TBL1XR1: variants seen among roughly 807,000 people sequenced by gnomAD.
The protein encoded by TBL1XR1 is F-box-like/WD repeat-containing protein TBL1XR1.
In TBL1XR1, 5 loss-of-function variants were observed where a neutral mutation model predicts 66.9. That is an observed-to-expected ratio of 0.07 (90% confidence interval 0.04 to 0.16). TBL1XR1 has a LOEUF of 0.16. Ranked by LOEUF, TBL1XR1 falls within the 10% of genes least tolerant of loss-of-function variation. TBL1XR1 has a pLI of 1.00. For missense variants in TBL1XR1, 238 were observed against 623.2 expected (o/e 0.38, Z 6.58); for synonymous variants, 210 against 206.0 (o/e 1.02, Z -0.17).
chr3:177,167,689 G>A (rs1302288887), intron 1 of TBL1XR1, among the ~76,000 whole-genome samples: 4 of 152,190 alleles, frequency 2.6e-5, no homozygotes, highest in African/African-American at 9.7e-5. Flanking sequence ...CCAGCACTCT[G>A]GGAGGCCAAG....
intron 2 of TBL1XR1, among the ~76,000 whole-genome samples, chr3:177,089,322 G>A (rs1321006642): frequency 6.6e-6 from 1 of 152,108 alleles, no homozygotes; most frequent in Non-Finnish European, 1.5e-5. Context: ...GCACCCTGAG[G>A]CCAAACAGCA....
At chr3:177,027,358 T>C (rs1346978757) in intron 14 of TBL1XR1, 2 of 152,218 alleles carry the variant, frequency 1.3e-5, no homozygotes, top group Non-Finnish European at 2.9e-5. Context: ...CAGGCAGGAA[T>C]ACTAATAATG....
At chr3:177,052,626 G>A (rs1717248886) in intron 4 of TBL1XR1, among the ~76,000 whole-genome samples, 1 of 152,146 alleles carries the variant, frequency 6.6e-6, no homozygotes, top group African/African-American at 2.4e-5. Context: ...TTGCGTTACT[G>A]GATGGTCACT....
intron 3 of TBL1XR1, among the ~76,000 whole-genome samples, chr3:177,056,721 C>T (rs1717843871): frequency 6.6e-6 from 1 of 151,632 alleles, no homozygotes; most frequent in African/African-American, 2.4e-5. Context: ...CATTTCACTA[C>T]ACCTGAAAGT....
At chr3:177,135,315 G>T (rs1316527350) in intron 1 of TBL1XR1, among the ~76,000 whole-genome samples, 1 of 95,746 alleles carries the variant, frequency 1.0e-5, no homozygotes, top group African/African-American at 3.9e-5. Flanking sequence ...CTCTGTGTGT[G>T]TGTGTGTGTG....
intron 1 of TBL1XR1, among the ~76,000 whole-genome samples, chr3:177,145,554 A>G (rs1234269358): frequency 1.3e-5 from 2 of 152,204 alleles, no homozygotes; most frequent in Non-Finnish European, 2.9e-5. Context: ...CATCACAAGT[A>G]CTGTGATTTC....
chr3:177,060,052 C>A (rs1331881127), intron 3 of TBL1XR1, among the ~76,000 whole-genome samples: 3 of 152,176 alleles, frequency 2.0e-5, no homozygotes, highest in Non-Finnish European at 4.4e-5. Flanking sequence ...AGATGGAAAG[C>A]TGCACTGTTG....
intron 1 of TBL1XR1, among the ~76,000 whole-genome samples, chr3:177,195,364 C>T (rs1017356957): frequency 8.0e-5 from 12 of 150,792 alleles, no homozygotes; most frequent in African/African-American, 2.2e-4. Flanking sequence ...AGCTTGCCAT[C>T]AACTCCCATG....
At chr3:177,149,418 T>C (rs1730625381) in intron 1 of TBL1XR1, among the ~76,000 whole-genome samples, 1 of 152,230 alleles carries the variant, frequency 6.6e-6, no homozygotes, top group Non-Finnish European at 1.5e-5. Flanking sequence ...GTAAGTTCTG[T>C]TGCTTATAAT....
chr3:177,081,560 G>A (rs909011542), intron 2 of TBL1XR1, among the ~76,000 whole-genome samples: 4 of 151,848 alleles, frequency 2.6e-5, no homozygotes, highest in African/African-American at 9.7e-5. Context: ...CACCAGCCTG[G>A]GCAACATAAC....
intron 1 of TBL1XR1, among the ~76,000 whole-genome samples, chr3:177,166,876 G>A (rs1352711187): frequency 6.6e-6 from 1 of 152,166 alleles, no homozygotes; most frequent in African/African-American, 2.4e-5. Flanking sequence ...TGGAGCAAGA[G>A]GACTCTCATT....
chr3:177,197,711 G>T (rs531174875), upstream of TBL1XR1, among the ~76,000 whole-genome samples: 645 of 145,222 alleles, frequency 4.4e-3, 5 homozygotes, highest in Middle Eastern at 0.018. Flanking sequence ...GCGGCGCGGC[G>T]GGGGGGCTCC....
chr3:177,154,898 A>T (rs980137854), intron 1 of TBL1XR1, among the ~76,000 whole-genome samples: 70 of 152,354 alleles, frequency 4.6e-4, no homozygotes, highest in African/African-American at 1.3e-3. Flanking sequence ...CACACAGAGA[A>T]CAAAACAGAT....
chr3:177,167,609 T>C (rs1322814808), intron 1 of TBL1XR1, among the ~76,000 whole-genome samples: 1 of 152,160 alleles, frequency 6.6e-6, no homozygotes, highest in Non-Finnish European at 1.5e-5. Flanking sequence ...CTCAATTTTA[T>C]TGTGAACCTA....
At chr3:177,143,795 C>A (rs1402239128) in intron 1 of TBL1XR1, among the ~76,000 whole-genome samples, 1 of 151,902 alleles carries the variant, frequency 6.6e-6, no homozygotes, top group Non-Finnish European at 1.5e-5. Flanking sequence ...CAGGCTCTAA[C>A]AGAATTAAAT....
chr3:177,188,154 A>C (rs183097173), intron 1 of TBL1XR1, among the ~76,000 whole-genome samples: 1,616 of 151,810 alleles, frequency 0.011, 17 homozygotes, highest in Non-Finnish European at 0.015. Flanking sequence ...CTGGTCTCGA[A>C]CTCCTGACCT....
intron 1 of TBL1XR1, among the ~76,000 whole-genome samples, chr3:177,146,609 T>TAAAAAAAAAAAAAAAAAAAA (rs1730289418): frequency 2.1e-5 from 1 of 46,852 alleles, no homozygotes; most frequent in Non-Finnish European, 4.9e-5. Flanking sequence ...AAAAAAAAAG[T>TAAAAAAAAAAAAAAAAAAAA]TGTATTCACT....
intron 2 of TBL1XR1, among the ~76,000 whole-genome samples, chr3:177,072,521 G>T (rs1401640202): frequency 6.6e-6 from 1 of 151,026 alleles, no homozygotes; most frequent in African/African-American, 2.4e-5. Flanking sequence ...AAACAGAAAA[G>T]GTGATATTAT....
Position 177,161,281 on chromosome 3 carries a change from T to C in TBL1XR1, c.-122+35840A>G, listed in dbSNP as rs114884403. On this transcript the variant is annotated intron_variant, in intron 1 of 15. Coordinates refer to ENST00000457928, the MANE Select transcript of TBL1XR1 (RefSeq NM_024665.7). ...TTTCCCATGTGTTTCTTTTAGCTAG[T>C]TTACATGCTACCCCTTAAGTTCTCT... Among the ~76,000 whole-genome samples, 734 of 152,288 alleles carry C rather than the reference T, an allele frequency of 4.8e-3. 1 individual carries two copies. The highest frequency in any genetic ancestry group is 8.0e-3 in the Non-Finnish European group (546 of 68,016).
Sources: allele counts gnomAD v4.1 joint callset (sites outside exome capture counted in the v4.1 genomes callset), GRCh38; gene constraint gnomAD v4.1.1; transcripts MANE v1.5; gene names NCBI Gene and HGNC (gene_info 2026-07-23, HGNC 2026-07-21).